Variants in RBPJ observed in about 807,000 individuals in gnomAD.
RBPJ encodes the protein recombination signal binding protein for immunoglobulin kappa J region.
A neutral mutation model predicts 67.8 loss-of-function variants in RBPJ; 9 were observed. The observed-to-expected ratio is 0.13, with a 90% confidence interval of 0.08 to 0.23. The LOEUF (loss-of-function observed/expected upper bound fraction) is 0.23. Among genes scored for constraint, RBPJ ranks in the 10% least tolerant of loss-of-function variants. RBPJ has a pLI of 1.00. For missense variants in RBPJ, 305 were observed against 595.6 expected (o/e 0.51, Z 5.08); for synonymous variants, 198 against 203.3 (o/e 0.97, Z 0.22).
intron 3 of RBPJ, among the ~76,000 whole-genome samples, chr4:26,409,609 C>T (rs1411700551): frequency 1.3e-5 from 2 of 152,160 alleles, no homozygotes; most frequent in Admixed American, 6.5e-5. Flanking sequence ...AAATGATTCT[C>T]CTGCCTCAGC....
At chr4:26,267,606 A>AATTT (rs201155264) in intron 1 of RBPJ, among the ~76,000 whole-genome samples, 4 of 151,490 alleles carry the variant, frequency 2.6e-5, no homozygotes, top group East Asian at 1.9e-4. Flanking sequence ...GTAATTTTTA[A>AATTT]ATTTATTTAT....
At chr4:26,394,714 G>A (rs960019489) in intron 2 of RBPJ, among the ~76,000 whole-genome samples, 2 of 151,968 alleles carry the variant, frequency 1.3e-5, no homozygotes, top group Admixed American at 1.3e-4. Flanking sequence ...GATATTATTC[G>A]ACTTAATACT....
chr4:26,212,432 C>CTTTTTTT (rs370447105), intron 1 of RBPJ, among the ~76,000 whole-genome samples: 7 of 112,236 alleles, frequency 6.2e-5, no homozygotes, highest in Non-Finnish European at 8.9e-5. Context: ...CTTTTCTTTT[C>CTTTTTTT]TTTTTTTTTT....
At chr4:26,159,922 TC>T (rs1478211675), upstream of RBPJ, among the ~76,000 whole-genome samples, 9 of 143,972 alleles carry the variant, frequency 6.3e-5, no homozygotes, top group East Asian at 1.6e-3. Context: ...TCTCTCTCTC[TC>T]TTTTTTTTTT....
intron 7 of RBPJ, among the ~76,000 whole-genome samples, chr4:26,426,635 C>G (rs560699124): frequency 1.3e-5 from 2 of 152,132 alleles, no homozygotes; most frequent in Non-Finnish European, 2.9e-5. Flanking sequence ...AAAAACAAAA[C>G]AAGATAATAA....
upstream of RBPJ, chr4:26,319,748 C>T: frequency 1.1e-6 from 1 of 943,568 alleles, no homozygotes. Context: ...CGGGCCGCGC[C>T]AATCCTGCAG....
At chr4:26,287,396 A>C (rs898121950) in intron 1 of RBPJ, among the ~76,000 whole-genome samples, 1 of 151,324 alleles carries the variant, frequency 6.6e-6, no homozygotes, top group Non-Finnish European at 1.5e-5. Flanking sequence ...TAAAAAATAT[A>C]ATAACAATTA....
At chr4:26,312,143 T>A (rs1008194584) in intron 1 of RBPJ, among the ~76,000 whole-genome samples, 1 of 151,586 alleles carries the variant, frequency 6.6e-6, no homozygotes, top group Non-Finnish European at 1.5e-5. Context: ...TTATTTTATT[T>A]TTTTTTGAGA....
At chr4:26,250,100 ATCATTCCAAATAGAAAC>A (rs1358114285) in intron 1 of RBPJ, among the ~76,000 whole-genome samples, 16 of 151,598 alleles carry the variant, frequency 1.1e-4, no homozygotes, top group African/African-American at 3.6e-4. Context: ...GAACTTTTTC[ATCATTCCAAATAGAAAC>A]TCTGTACCCA....
chr4:26,214,434 GAGAGAA>G (rs1718551190), intron 1 of RBPJ, among the ~76,000 whole-genome samples: 2 of 135,876 alleles, frequency 1.5e-5, no homozygotes, highest in South Asian at 5.0e-4. Context: ...GAGAAAAAGA[GAGAGAA>G]AGAGAAAGAA....
chr4:26,408,612 A>G (rs796415807), intron 3 of RBPJ, among the ~76,000 whole-genome samples: 18 of 152,312 alleles, frequency 1.2e-4, no homozygotes, highest in African/African-American at 3.6e-4. Context: ...TGAGCCAGAC[A>G]TGATTCCCAA....
At chr4:26,244,095 G>C (rs1320738926) in intron 1 of RBPJ, among the ~76,000 whole-genome samples, 3 of 149,270 alleles carry the variant, frequency 2.0e-5, no homozygotes, top group African/African-American at 7.4e-5. Flanking sequence ...GTGAGACCCT[G>C]TCTCAAAAAA....
At chr4:26,218,446 C>G (rs1256375076) in intron 1 of RBPJ, among the ~76,000 whole-genome samples, 2 of 152,120 alleles carry the variant, frequency 1.3e-5, no homozygotes, top group Non-Finnish European at 2.9e-5. Context: ...CTCTACCCCC[C>G]GAAGGGTACC....
chr4:26,353,980 G>A (rs1727079354), intron 1 of RBPJ, among the ~76,000 whole-genome samples: 2 of 151,320 alleles, frequency 1.3e-5, no homozygotes, highest in Non-Finnish European at 2.9e-5. Flanking sequence ...GCCCAGGCTG[G>A]AGTGCAGTGG....
intron 2 of RBPJ, among the ~76,000 whole-genome samples, chr4:26,391,387 G>T (rs1731485671): frequency 6.6e-6 from 1 of 152,090 alleles, no homozygotes; most frequent in South Asian, 2.1e-4. Flanking sequence ...AATTTAGCTA[G>T]ATTTTTTTTT....
Position 26,386,280 on chromosome 4 carries a change from T to G in RBPJ, c.21-73T>G, listed in dbSNP as rs575479559. 2.8e-5 allele frequency: 28 copies of G among 996,136 alleles called. No homozygotes were observed. The East Asian group carries it at 6.5e-4, about 23-fold the overall frequency. The allele number at this position is 996,136 out of a possible 1,614,324, so 61.7% of individuals were successfully genotyped here. On this transcript the variant is annotated intron_variant, in intron 1 of 10. Transcript: ENST00000355476. The stretch of plus-strand genomic sequence containing the variant: ...ATAAGTCATAAAAGAGATTTTATGA[T>G]GCCTGAAAAGCTTTCTGTAGAGTGT...
At chr4:26,263,268 T>G (rs1393141428) in intron 1 of RBPJ, among the ~76,000 whole-genome samples, 1 of 152,146 alleles carries the variant, frequency 6.6e-6, no homozygotes, top group East Asian at 1.9e-4. Context: ...TCCACACACT[T>G]AGACAACCAG....
chr4:26,174,303 G>A (rs746880583), intron 1 of RBPJ, among the ~76,000 whole-genome samples: 5 of 152,088 alleles, frequency 3.3e-5, no homozygotes, highest in Non-Finnish European at 7.4e-5. Flanking sequence ...CTAGAGCTTC[G>A]GGGAGGACTT....
chr4:26,201,096 A>G (rs577646298), intron 1 of RBPJ, among the ~76,000 whole-genome samples: 1 of 152,176 alleles, frequency 6.6e-6, no homozygotes, highest in Non-Finnish European at 1.5e-5. Context: ...TAATTTCCCA[A>G]AAAAGGTTTG....
Sources: allele counts gnomAD v4.1 joint callset (sites outside exome capture counted in the v4.1 genomes callset), GRCh38; gene constraint gnomAD v4.1.1; transcripts MANE v1.5; gene names NCBI Gene and HGNC (gene_info 2026-07-23, HGNC 2026-07-21).